Variants in EPHA5 observed in about 807,000 individuals in gnomAD.
EPHA5 encodes the protein EPH receptor A5.
EPHA5 carries 60 observed loss-of-function variants against 105.0 expected under a neutral mutation model. The observed-to-expected ratio is 0.57, with a 90% CI of 0.46 to 0.71. EPHA5 has a LOEUF of 0.71. Ranked by LOEUF, EPHA5 falls within the 30% of genes least tolerant of loss-of-function variation. The pLI, the probability that EPHA5 is intolerant of heterozygous loss-of-function variation, is 0.00. For missense variants in EPHA5, 1,218 were observed against 1,274.7 expected (o/e 0.96, Z 0.68); for synonymous variants, 513 against 449.1 (o/e 1.14, Z -1.80).
intron 13 of EPHA5, among the ~76,000 whole-genome samples, chr4:65,348,780 T>G (rs1722511073): frequency 1.0e-4 from 1 of 9,908 alleles, no homozygotes; most frequent in Non-Finnish European, 5.9e-4. Flanking sequence ...TGTGTGTGCA[T>G]GTGTGTGTGT....
intron 1 of EPHA5, among the ~76,000 whole-genome samples, chr4:65,643,651 G>T (rs928432233): frequency 6.6e-6 from 1 of 151,116 alleles, no homozygotes; most frequent in Non-Finnish European, 1.5e-5. Context: ...TTCTCTGAAA[G>T]CAAATCATTA....
intron 3 of EPHA5, among the ~76,000 whole-genome samples, chr4:65,590,604 A>T (rs866500484): frequency 1.2e-4 from 19 of 152,138 alleles, no homozygotes; most frequent in African/African-American, 4.6e-4. Context: ...ATAATTGTAC[A>T]ATTTCCGTAA....
At chr4:65,445,879 T>C (rs935943217) in intron 5 of EPHA5, among the ~76,000 whole-genome samples, 14 of 152,180 alleles carry the variant, frequency 9.2e-5, no homozygotes, top group African/African-American at 3.1e-4. Flanking sequence ...ATATTACCAA[T>C]TAGGGATGGC....
At chr4:65,428,352 T>C (rs79326111) in intron 5 of EPHA5, among the ~76,000 whole-genome samples, 2,023 of 152,238 alleles carry the variant, frequency 0.013, 41 homozygotes, top group African/African-American at 0.046. Flanking sequence ...TCTTACTGTG[T>C]TGTCATTTGA....
intron 3 of EPHA5, among the ~76,000 whole-genome samples, chr4:65,554,243 TA>T (rs1253884992): frequency 6.7e-6 from 1 of 148,726 alleles, no homozygotes; most frequent in Non-Finnish European, 1.5e-5. Context: ...TGAATATACT[TA>T]TAATATATAT....
intron 1 of EPHA5, among the ~76,000 whole-genome samples, chr4:65,653,258 T>A (rs1249847587): frequency 6.6e-6 from 1 of 152,100 alleles, no homozygotes; most frequent in Admixed American, 6.6e-5. Context: ...GATGACCTAG[T>A]ACTCCTGATG....
chr4:65,456,519 T>C (rs1449848813), intron 5 of EPHA5, among the ~76,000 whole-genome samples: 5 of 152,208 alleles, frequency 3.3e-5, no homozygotes, highest in African/African-American at 9.6e-5. Context: ...ACAACAAGAC[T>C]GTCGTATTTT....
intron 3 of EPHA5, among the ~76,000 whole-genome samples, chr4:65,541,779 A>G (rs931110615): frequency 5.9e-5 from 9 of 152,030 alleles, no homozygotes; most frequent in Non-Finnish European, 1.3e-4. Context: ...ACCCCAAAGC[A>G]ACAGAATATA....
Position 65,670,001 on chromosome 4 carries a change from G to T in EPHA5, c.-259C>A, listed in dbSNP as rs1750325348. 6.7e-6 allele frequency: 3 copies of T among 446,140 alleles called. No individual in the cohort carries two copies. Among genetic ancestry groups the T allele is most frequent in the African/African-American group, 6.1e-5 (3 of 49,540 alleles). The allele number at this position is 446,140 out of a possible 1,614,324, so 27.6% of individuals were successfully genotyped here. On this transcript the variant is annotated 5_prime_UTR_variant, in exon 1 of 17. Coordinates refer to ENST00000613740, the MANE Select transcript of EPHA5 (RefSeq NM_001281766.3). Reference sequence around the variant, plus strand: ...TGGTTGCTAGTGCAGATCTGGACTCGGATCAAGGGTGTCGAGAGGGTCCTG... The same window carrying T: ...TGGTTGCTAGTGCAGATCTGGACTCTGATCAAGGGTGTCGAGAGGGTCCTG...
At chr4:65,610,781 C>T (rs1459400977) in intron 2 of EPHA5, among the ~76,000 whole-genome samples, 3 of 151,932 alleles carry the variant, frequency 2.0e-5, no homozygotes, top group African/African-American at 4.8e-5. Flanking sequence ...GTAATGAGTG[C>T]CATGAGTTAT....
chr4:65,584,301 A>T (rs1390221105), intron 3 of EPHA5, among the ~76,000 whole-genome samples: 2 of 151,912 alleles, frequency 1.3e-5, no homozygotes, highest in African/African-American at 4.8e-5. Flanking sequence ...TCTGAGAAAT[A>T]TATCTTAATT....
At chr4:65,364,985 C>A (rs1320881002) in intron 11 of EPHA5, 32 bp downstream of exon 11, 2 of 1,578,604 alleles carry the variant, frequency 1.3e-6, no homozygotes, top group Non-Finnish European at 1.7e-6. Context: ...TGAGGATATG[C>A]ACACACATGT....
chr4:65,503,473 T>G (rs34098115), intron 3 of EPHA5, among the ~76,000 whole-genome samples: 3,729 of 151,834 alleles, frequency 0.025, 58 homozygotes, highest in Non-Finnish European at 0.03. Context: ...TAAGTTTAAA[T>G]GATTGAAAAC....
Position 65,669,956 on chromosome 4 carries a change from G to T in EPHA5, c.-214C>A. 1 of 648,288 alleles carries T rather than the reference G, an allele frequency of 1.5e-6. No homozygotes were observed. The highest frequency in any genetic ancestry group is 3.4e-5 in the East Asian group (1 of 29,070). 40.2% of individuals were successfully genotyped at this position (648,288 alleles called of 1,614,324 possible). A position where few individuals can be genotyped will look rare whatever the true frequency, so the allele number is the denominator to read the frequency against. ...TCCTCTCGCCTCCCCCTTTGGTGGG[G>T]TTAAATGAAATATTAGTTCTGGTTG... is the stretch of plus-strand genomic sequence containing the variant. On this transcript the variant is annotated 5_prime_UTR_variant, in exon 1 of 17. Transcript: ENST00000613740.
intron 11 of EPHA5, among the ~76,000 whole-genome samples, chr4:65,358,816 C>A (rs1049467252): frequency 6.6e-6 from 1 of 151,532 alleles, no homozygotes; most frequent in African/African-American, 2.4e-5. Flanking sequence ...CATGGAAATG[C>A]AAAATGTCTC....
intron 3 of EPHA5, among the ~76,000 whole-genome samples, chr4:65,542,281 T>G (rs898845087): frequency 2.0e-5 from 3 of 151,658 alleles, no homozygotes; most frequent in African/African-American, 7.3e-5. Flanking sequence ...CATCAAAAAA[T>G]CAATAAATCC....
rs575608289 is a variant in EPHA5 at position 65,418,862 on chromosome 4, C to CTTTTTTTTTTTTTTT, written c.1527+1564_1527+1578dup. 1.5e-3 allele frequency among the ~76,000 whole-genome samples: 71 copies of CTTTTTTTTTTTTTTT among 47,076 alleles called. 7 individuals carry two copies. The highest frequency in any genetic ancestry group is 0.028 in the Middle Eastern group (1 of 36). The allele number at this position is 47,076 out of a possible 152,430, so 30.9% of individuals were successfully genotyped here. ...AACATTCAATACACTTACCTAAACTCTTTTTTTTTTTTTTTTTTTTTTTTT... is the reference window on the plus strand; with the variant it reads ...AACATTCAATACACTTACCTAAACTCTTTTTTTTTTTTTTTTTTTTTTTTTTTTTTTTTTTTTTTT... On this transcript the variant is annotated intron_variant, in intron 6 of 16. Transcript: ENST00000613740.
In EPHA5 at chr4:65,610,576, TA is replaced by T. The variant is rs1026128854; in HGVS notation, c.247-8273del. Among the ~76,000 whole-genome samples the T allele has an allele frequency of 1.4e-4, 21 of 152,118 alleles. 1 individual carries two copies. Among genetic ancestry groups the T allele is most frequent in the African/African-American group, 1.7e-4 (7 of 41,414 alleles). ...AATTAATTAAACAAATAAAATGGGA[TA>T]TTTTTCCTTGAAAAATTTACTAATA... On this transcript the variant is annotated intron_variant, in intron 2 of 16. Transcript: ENST00000613740.
At chr4:65,547,942 A>G (rs930177274) in intron 3 of EPHA5, among the ~76,000 whole-genome samples, 3 of 152,072 alleles carry the variant, frequency 2.0e-5, no homozygotes, top group Non-Finnish European at 2.9e-5. Flanking sequence ...ATCCAAGACT[A>G]CTAGTACTAT....
Sources: allele counts gnomAD v4.1 joint callset (sites outside exome capture counted in the v4.1 genomes callset), GRCh38; gene constraint gnomAD v4.1.1; transcripts MANE v1.5; gene names NCBI Gene and HGNC (gene_info 2026-07-23, HGNC 2026-07-21).